CD247: variants seen among roughly 807,000 people sequenced by gnomAD.
The protein encoded by CD247 is T-cell surface glycoprotein CD3 zeta chain.
A neutral mutation model predicts 30.0 loss-of-function variants in CD247; 13 were observed. The ratio of observed to expected loss-of-function variants is 0.43; its 90% confidence interval spans 0.28 to 0.69. The LOEUF (loss-of-function observed/expected upper bound fraction) is 0.69. Ranked by LOEUF, CD247 falls within the 30% of genes least tolerant of loss-of-function variation. The probability of loss-of-function intolerance (pLI) is 0.16; values close to 1 mark genes in which losing one functional copy is unlikely to be tolerated. For synonymous variants in CD247, 72 were observed against 80.0 expected, an observed-to-expected ratio of 0.90 and a Z score of 0.53; for missense variants, 193 against 212.6, an observed-to-expected ratio of 0.91 and a Z score of 0.57.
chr1:167,514,495 G>A (rs533188641), intron 1 of CD247, among the ~76,000 whole-genome samples: 1 of 152,300 alleles, frequency 6.6e-6, no homozygotes, highest in South Asian at 2.1e-4. Context: ...CGTGACAGGG[G>A]CGTCTTTGTT....
At chr1:167,456,503 G>A (rs929210833) in intron 1 of CD247, among the ~76,000 whole-genome samples, 1 of 152,154 alleles carries the variant, frequency 6.6e-6, no homozygotes, top group Non-Finnish European at 1.5e-5. Flanking sequence ...AGAGTGAGAG[G>A]GGTTTCTTTC....
chr1:167,482,581 A>G (rs535125357), intron 1 of CD247, among the ~76,000 whole-genome samples: 1 of 152,346 alleles, frequency 6.6e-6, no homozygotes, highest in South Asian at 2.1e-4. Flanking sequence ...CTGACTTCTA[A>G]GAGTGGAGAA....
chr1:167,505,845 C>T (rs1655091326), intron 1 of CD247, among the ~76,000 whole-genome samples: 1 of 152,120 alleles, frequency 6.6e-6, no homozygotes, highest in East Asian at 1.9e-4. Flanking sequence ...CTAAGGTGGC[C>T]CAGCCACCTG....
chr1:167,449,507 C>A (rs1230462817), intron 1 of CD247, among the ~76,000 whole-genome samples: 1 of 152,040 alleles, frequency 6.6e-6, no homozygotes, highest in East Asian at 1.9e-4. Flanking sequence ...TATAAAAGTG[C>A]AGAAAAGTAG....
chr1:167,454,020 A>G (rs35079366), intron 1 of CD247, among the ~76,000 whole-genome samples: 2,276 of 152,338 alleles, frequency 0.015, 32 homozygotes, highest in South Asian at 0.028. Context: ...AAAAAACACT[A>G]TGTAAGCTGC....
At chr1:167,501,572 A>T (rs1333922300) in intron 1 of CD247, among the ~76,000 whole-genome samples, 2 of 152,250 alleles carry the variant, frequency 1.3e-5, no homozygotes, top group Non-Finnish European at 2.9e-5. Flanking sequence ...TCAAATGCTT[A>T]TTGGCTACAG....
chr1:167,472,373 TA>T (rs1314097480), intron 1 of CD247, among the ~76,000 whole-genome samples: 1 of 152,154 alleles, frequency 6.6e-6, no homozygotes, highest in Non-Finnish European at 1.5e-5. Flanking sequence ...ACGCTCACAA[TA>T]AAAAAATTAG....
chr1:167,442,271 G>GT (rs1344670327), intron 1 of CD247, among the ~76,000 whole-genome samples: 1 of 152,138 alleles, frequency 6.6e-6, no homozygotes, highest in Non-Finnish European at 1.5e-5. Context: ...CCCCTGCCTG[G>GT]TAACTAGAGC....
rs957037524 is a variant in CD247 at position 167,498,883 on chromosome 1, T to C, written c.58+19525A>G. ...CAAACCAGGGACACCCAGAGTCAAG[T>C]GGTTGCTTTCTATGGTTTACGGCTG... On this transcript the variant is annotated intron_variant, in intron 1 of 7. Transcript: ENST00000362089. Among the ~76,000 whole-genome samples, 18 of 152,140 alleles carry C rather than the reference T, an allele frequency of 1.2e-4. 1 individual carries two copies. The highest frequency in any genetic ancestry group is 4.3e-4 in the African/African-American group (18 of 41,428).
At chr1:167,447,902 G>A (rs996266622) in intron 1 of CD247, among the ~76,000 whole-genome samples, 1 of 145,918 alleles carries the variant, frequency 6.9e-6, no homozygotes, top group Non-Finnish European at 1.5e-5. Flanking sequence ...TGATGACATT[G>A]CAGGGTAAAA....
intron 1 of CD247, among the ~76,000 whole-genome samples, chr1:167,449,936 T>C (rs993382117): frequency 3.3e-5 from 5 of 151,908 alleles, no homozygotes; most frequent in African/African-American, 1.2e-4. Context: ...AAAAAAAAAA[T>C]TTCCTGAAGA....
At chr1:167,471,017 G>A (rs111674056) in intron 1 of CD247, among the ~76,000 whole-genome samples, 22 of 151,738 alleles carry the variant, frequency 1.4e-4, no homozygotes, top group African/African-American at 2.7e-4. Flanking sequence ...GACTACAGGC[G>A]CCCATCACCA....
At chr1:167,505,820 C>T (rs1256466765) in intron 1 of CD247, among the ~76,000 whole-genome samples, 1 of 152,226 alleles carries the variant, frequency 6.6e-6, no homozygotes, top group Non-Finnish European at 1.5e-5. Context: ...CCATCCCCTT[C>T]ATGGACAGGA....
chr1:167,462,291 T>C (rs1558009104), intron 1 of CD247, among the ~76,000 whole-genome samples: 1 of 152,172 alleles, frequency 6.6e-6, no homozygotes, highest in African/African-American at 2.4e-5. Flanking sequence ...CTGAAGCCCC[T>C]CCCAAAATGT....
chr1:167,473,826 G>A (rs547995620), intron 1 of CD247, among the ~76,000 whole-genome samples: 8 of 152,322 alleles, frequency 5.3e-5, no homozygotes, highest in African/African-American at 1.4e-4. Flanking sequence ...TTGCTGGGGG[G>A]TTTTACTGGT....
chr1:167,494,863 T>C lies in CD247; in HGVS notation c.58+23545A>G, dbSNP rs1360439011. Among the ~76,000 whole-genome samples the C allele has an allele frequency of 6.6e-6, 1 of 152,184 alleles. No individual in the cohort carries two copies. Among genetic ancestry groups the C allele is most frequent in the African/African-American group, 2.4e-5 (1 of 41,456 alleles). ...AGAGCTGGAAAGAGGGTTAGAGACC[T>C]ATTCCAGGACTTTACTCTACAGCAA... On this transcript the variant is annotated intron_variant, in intron 1 of 7. Coordinates refer to ENST00000362089, the MANE Select transcript of CD247 (RefSeq NM_198053.3). The surrounding 1 kb of genome is among the most constrained non-coding windows in gnomAD (Gnocchi z 7.3).
At chr1:167,438,081 G>C (rs1208819086) in intron 4 of CD247, among the ~76,000 whole-genome samples, 3 of 152,030 alleles carry the variant, frequency 2.0e-5, no homozygotes, top group African/African-American at 7.3e-5. Context: ...AAAACAAAGA[G>C]GACCCTACCC....
intron 4 of CD247, among the ~76,000 whole-genome samples, chr1:167,438,324 G>A (rs1651643478): frequency 6.6e-6 from 1 of 152,222 alleles, no homozygotes; most frequent in South Asian, 2.1e-4. Context: ...GGGGAAGTGG[G>A]TAGAGCTTAG....
intron 1 of CD247, among the ~76,000 whole-genome samples, chr1:167,476,907 G>T (rs1333324362): frequency 6.6e-6 from 1 of 152,202 alleles, no homozygotes; most frequent in African/African-American, 2.4e-5. Flanking sequence ...AAAACCCTAT[G>T]CCGTATGTTT....
Sources: allele counts gnomAD v4.1 joint callset (sites outside exome capture counted in the v4.1 genomes callset), GRCh38; gene constraint gnomAD v4.1.1; non-coding constraint Gnocchi (gnomAD v3.1); transcripts MANE v1.5; gene names NCBI Gene and HGNC (gene_info 2026-07-23, HGNC 2026-07-21).